CYP19A1: variants seen among roughly 807,000 people sequenced by gnomAD.
The protein encoded by CYP19A1 is aromatase.
In CYP19A1, 32 loss-of-function variants were observed where a neutral mutation model predicts 44.4. The ratio of observed to expected loss-of-function variants is 0.72; its 90% confidence interval spans 0.54 to 0.97. The LOEUF (loss-of-function observed/expected upper bound fraction) is 0.97, where lower values mean the gene tolerates loss of function less well. Among genes scored for constraint, CYP19A1 ranks in the 50% least tolerant of loss-of-function variants. The probability of loss-of-function intolerance (pLI) is 0.00; values close to 1 mark genes in which losing one functional copy is unlikely to be tolerated. For missense variants in CYP19A1, 598 were observed against 637.8 expected (o/e 0.94, Z 0.67); for synonymous variants, 212 against 215.6 (o/e 0.98, Z 0.14).
At chr15:51,284,574 C>T (rs1039942805) in intron 1 of CYP19A1, among the ~76,000 whole-genome samples, 1 of 152,086 alleles carries the variant, frequency 6.6e-6, no homozygotes, top group Non-Finnish European at 1.5e-5. Flanking sequence ...TAATAGTAGA[C>T]AAATGATGAG....
At chr15:51,276,387 A>G (rs2035311225) in intron 1 of CYP19A1, among the ~76,000 whole-genome samples, 1 of 152,224 alleles carries the variant, frequency 6.6e-6, no homozygotes, top group Non-Finnish European at 1.5e-5. Context: ...TCGATTTGCA[A>G]AGTCCCAAAG....
intron 1 of CYP19A1, chr15:51,279,104 C>T (rs901446867): frequency 2.6e-5 from 4 of 152,248 alleles, no homozygotes; most frequent in Non-Finnish European, 5.9e-5. Flanking sequence ...CTCCTCCATT[C>T]TTCAAGGTCT....
chr15:51,252,939 G>C lies in CYP19A1; in HGVS notation c.-38-9989C>G, dbSNP rs145953700. ...GACTACCCTAGGAAGGTCACCTATG[G>C]CTTTATGAGTAGGTCTTGAAAGAAA... On this transcript the variant is annotated intron_variant, in intron 1 of 9. Transcript: ENST00000396402. Among the ~76,000 whole-genome samples, 713 of 152,282 alleles carry C rather than the reference G, an allele frequency of 4.7e-3. 5 individuals carry two copies. The highest frequency in any genetic ancestry group is 0.016 in the African/African-American group (679 of 41,554).
chr15:51,272,223 C>G (rs978224560), intron 1 of CYP19A1, among the ~76,000 whole-genome samples: 4 of 152,198 alleles, frequency 2.6e-5, no homozygotes, highest in Admixed American at 2.0e-4. Flanking sequence ...CTTCTCCAAC[C>G]CTTCCCAACC....
At chr15:51,307,136 G>A (rs183687208) in intron 1 of CYP19A1, among the ~76,000 whole-genome samples, 15 of 152,298 alleles carry the variant, frequency 9.8e-5, no homozygotes, top group Admixed American at 3.3e-4. Flanking sequence ...TGGAGCCAAC[G>A]AAAGCAAACG....
chr15:51,297,062 G>A (rs1303942785), intron 1 of CYP19A1, among the ~76,000 whole-genome samples: 1 of 152,178 alleles, frequency 6.6e-6, no homozygotes, highest in Non-Finnish European at 1.5e-5. Context: ...AGGGCCAAGT[G>A]ACGACTTTTG....
At chr15:51,238,023 G>A (rs1235504504) in intron 2 of CYP19A1, among the ~76,000 whole-genome samples, 1 of 152,212 alleles carries the variant, frequency 6.6e-6, no homozygotes, top group East Asian at 1.9e-4. Context: ...TATACATAGT[G>A]TAAGCTTTTG....
At chr15:51,318,561 G>A (rs1257553884) in intron 1 of CYP19A1, 2 of 152,216 alleles carry the variant, frequency 1.3e-5, no homozygotes, top group Non-Finnish European at 2.9e-5. Flanking sequence ...CATGGGTCAG[G>A]GATCTCCTGG....
chr15:51,281,192 T>C (rs539829936), intron 1 of CYP19A1, among the ~76,000 whole-genome samples: 14 of 152,228 alleles, frequency 9.2e-5, no homozygotes, highest in African/African-American at 3.4e-4. Context: ...CCCCTTCTAC[T>C]TTAGAAAGGA....
In CYP19A1 at chr15:51,211,000, C is replaced by T. The variant is rs2030915118; in HGVS notation, c.1320G>A (p.Lys440=). ...FGFGPRGCAG[K]YIAMVMMKAI... The stretch of plus-strand genomic sequence containing the variant: ...CTTTCATCATCACCATGGCGATGTA[C>T]TTTCCTGCACAGCCACGGGGCCCAA... Residue 440 remains lysine, a synonymous_variant, in exon 10 of 10, where the codon AAG becomes AAA. Transcript: ENST00000396402. The T allele has an allele frequency of 6.3e-7, 1 of 1,591,010 alleles. No homozygotes were observed.
chr15:51,289,384 T>C (rs539021165), intron 1 of CYP19A1, among the ~76,000 whole-genome samples: 7 of 152,332 alleles, frequency 4.6e-5, no homozygotes, highest in Admixed American at 3.3e-4. Flanking sequence ...ATTCTGGGCA[T>C]GGAGCAGCTC....
intron 1 of CYP19A1, 59 bp from the exon 2 acceptor site, chr15:51,243,009 T>C: frequency 1.2e-6 from 1 of 848,878 alleles, no homozygotes. Context: ...CATCTATAGC[T>C]CCTGTTGCTT....
intron 1 of CYP19A1, among the ~76,000 whole-genome samples, chr15:51,313,746 G>T (rs556151975): frequency 9.2e-5 from 14 of 152,264 alleles, no homozygotes; most frequent in African/African-American, 3.4e-4. Context: ...GCAGTGAGCT[G>T]AGATCATACC....
At chr15:51,225,683 G>T (rs1427320585) in intron 4 of CYP19A1, among the ~76,000 whole-genome samples, 1 of 152,118 alleles carries the variant, frequency 6.6e-6, no homozygotes, top group Non-Finnish European at 1.5e-5. Context: ...TCCTAAATTT[G>T]TCTGGGTCAT....
intron 3 of CYP19A1, among the ~76,000 whole-genome samples, chr15:51,231,286 G>A (rs2033009039): frequency 1.3e-5 from 2 of 152,186 alleles, no homozygotes; most frequent in South Asian, 4.1e-4. Flanking sequence ...ATGACACCCT[G>A]ATGAAACAGT....
At chr15:51,296,911 G>T (rs1007231069) in intron 1 of CYP19A1, among the ~76,000 whole-genome samples, 1 of 152,134 alleles carries the variant, frequency 6.6e-6, no homozygotes, top group Non-Finnish European at 1.5e-5. Context: ...AACACCAAAG[G>T]GTAGAAGTTT....
At chr15:51,239,587 A>G (rs1186466433) in intron 2 of CYP19A1, among the ~76,000 whole-genome samples, 1 of 152,206 alleles carries the variant, frequency 6.6e-6, no homozygotes, top group Non-Finnish European at 1.5e-5. Context: ...AAAACAAGGC[A>G]AAATTAACCT....
At chr15:51,277,198 C>G (rs1375778249) in intron 1 of CYP19A1, 2 of 152,192 alleles carry the variant, frequency 1.3e-5, no homozygotes, top group Non-Finnish European at 2.9e-5. Context: ...CTGTGTAACA[C>G]TGTTTCCAAG....
At chr15:51,320,484 T>C (rs1264790510) in intron 1 of CYP19A1, 1 of 152,208 alleles carries the variant, frequency 6.6e-6, no homozygotes, top group Non-Finnish European at 1.5e-5. Context: ...AAACAGCACA[T>C]GGTTAGGTGC....
Sources: allele counts gnomAD v4.1 joint callset (sites outside exome capture counted in the v4.1 genomes callset), GRCh38; gene constraint gnomAD v4.1.1; transcripts MANE v1.5; gene names NCBI Gene and HGNC (gene_info 2026-07-23, HGNC 2026-07-21).